The following CFAP299 variants were observed in gnomAD, a reference collection of about 807,000 sequenced individuals.
The protein encoded by CFAP299 is cilia- and flagella-associated protein 299.
CFAP299 carries 21 observed loss-of-function variants against 27.0 expected under a neutral mutation model. The observed-to-expected ratio is 0.78, with a 90% confidence interval of 0.55 to 1.12. The LOEUF (loss-of-function observed/expected upper bound fraction) is 1.12, where lower values mean the gene tolerates loss of function less well. CFAP299 is among the 50% of genes most tolerant of loss of function. The pLI is 0.00. For missense variants in CFAP299, 310 were observed against 276.6 expected (o/e 1.12, Z -0.86); for synonymous variants, 104 against 98.1 (o/e 1.06, Z -0.36).
chr4:80,468,348 C>T (rs1365345332), intron 2 of CFAP299, among the ~76,000 whole-genome samples: 2 of 151,638 alleles, frequency 1.3e-5, no homozygotes, highest in Admixed American at 6.6e-5. Context: ...CTCAGCCTCC[C>T]GAGTAGCTGG....
intron 3 of CFAP299, among the ~76,000 whole-genome samples, chr4:80,781,312 A>G (rs1726863822): frequency 6.6e-6 from 1 of 152,080 alleles, no homozygotes; most frequent in South Asian, 2.1e-4. Flanking sequence ...AATCAGTCAC[A>G]ATTTTAAAGT....
At chr4:80,534,060 C>G (rs1733605770) in intron 2 of CFAP299, among the ~76,000 whole-genome samples, 1 of 151,960 alleles carries the variant, frequency 6.6e-6, no homozygotes, top group African/African-American at 2.4e-5. Flanking sequence ...TGATATCTAC[C>G]TCTGTAAAGT....
intron 2 of CFAP299, among the ~76,000 whole-genome samples, chr4:80,552,471 C>T (rs1734570834): frequency 6.6e-6 from 1 of 152,030 alleles, no homozygotes; most frequent in Non-Finnish European, 1.5e-5. Context: ...ATTGCATGTG[C>T]CATCATGCTT....
chr4:80,364,224 T>C (rs1157907567), intron 2 of CFAP299, among the ~76,000 whole-genome samples: 5 of 151,780 alleles, frequency 3.3e-5, no homozygotes, highest in Non-Finnish European at 5.9e-5. Flanking sequence ...ATTCTTGTCT[T>C]GAGGTTCTGA....
intron 3 of CFAP299, among the ~76,000 whole-genome samples, chr4:80,641,256 G>GT (rs1271524048): frequency 5.9e-5 from 9 of 152,082 alleles, no homozygotes; most frequent in African/African-American, 2.2e-4. Context: ...CCAAGCTGGA[G>GT]TACAGTGGCA....
chr4:80,686,674 A>T (rs1216867505), intron 3 of CFAP299, among the ~76,000 whole-genome samples: 2 of 152,196 alleles, frequency 1.3e-5, no homozygotes, highest in Non-Finnish European at 2.9e-5. Flanking sequence ...GTAGAAGATA[A>T]TTATTAATCT....
At chr4:80,719,944 A>G (rs1190482060) in intron 3 of CFAP299, among the ~76,000 whole-genome samples, 1 of 152,222 alleles carries the variant, frequency 6.6e-6, no homozygotes, top group Non-Finnish European at 1.5e-5. Context: ...TCAGTGTCAG[A>G]AAACAAAGGA....
At chr4:80,927,177 G>T (rs1251297591) in intron 4 of CFAP299, among the ~76,000 whole-genome samples, 1 of 152,008 alleles carries the variant, frequency 6.6e-6, no homozygotes, top group Non-Finnish European at 1.5e-5. Flanking sequence ...TTTCTATGTG[G>T]ATTCAACACT....
At position 80,944,777 on chromosome 4, in the gene CFAP299, A is replaced by G. The variant is rs767123092; in HGVS notation, c.477-33A>G. 9 of 1,506,026 alleles carry G rather than the reference A, an allele frequency of 6.0e-6. No homozygotes were observed. The African/African-American group carries it at 9.9e-5, about 17-fold the overall frequency. The allele number at this position is 1,506,026 out of a possible 1,614,324, so 93.3% of individuals were successfully genotyped here. A position where few individuals can be genotyped will look rare whatever the true frequency, so the allele number is the denominator to read the frequency against. On this transcript the variant is annotated intron_variant, in intron 4 of 5. Coordinates refer to ENST00000358105, the MANE Select transcript of CFAP299 (RefSeq NM_152770.3). ...TATTTGTCAATTTAATGCATTATAC[A>G]TCTTAATTCCTAATAAATGTTTATT... is the stretch of plus-strand genomic sequence containing the variant.
At chr4:80,707,633 G>C (rs1191567719) in intron 3 of CFAP299, among the ~76,000 whole-genome samples, 1 of 151,996 alleles carries the variant, frequency 6.6e-6, no homozygotes, top group East Asian at 1.9e-4. Flanking sequence ...TTTAGGAAAT[G>C]CACAAACTCT....
intron 2 of CFAP299, among the ~76,000 whole-genome samples, chr4:80,534,505 CTT>C (rs1043377237): frequency 2.0e-4 from 31 of 152,032 alleles, no homozygotes; most frequent in South Asian, 2.1e-4. Flanking sequence ...AAAATTCCCT[CTT>C]AACATTTTGA....
intron 3 of CFAP299, among the ~76,000 whole-genome samples, chr4:80,678,815 A>T (rs1719641664): frequency 6.6e-6 from 1 of 152,188 alleles, no homozygotes; most frequent in Non-Finnish European, 1.5e-5. Flanking sequence ...AGTCCTATGT[A>T]CCTTTCACCC....
rs543492927 is a variant in CFAP299 at position 80,802,849 on chromosome 4, C to T, written c.334-67144C>T. ...CATATTGTGACACTTGCATTACTAA[C>T]TTGTATAAATTTTAGTAACTCCTTT... On this transcript the variant is annotated intron_variant, in intron 3 of 5. Transcript: ENST00000358105. Among the ~76,000 whole-genome samples, 20 of 152,048 alleles carry T rather than the reference C, an allele frequency of 1.3e-4. No homozygotes were observed. In the South Asian group the frequency reaches 4.1e-3, roughly 32 times the overall value.
intron 2 of CFAP299, chr4:80,386,306 T>A: frequency 7.7e-7 from 1 of 1,292,526 alleles, no homozygotes; most frequent in Non-Finnish European, 1.1e-6. Context: ...CCAGCTCAGA[T>A]TCTGTGCCCA....
intron 4 of CFAP299, among the ~76,000 whole-genome samples, chr4:80,886,736 A>T (rs1733991590): frequency 6.6e-6 from 1 of 152,194 alleles, no homozygotes; most frequent in Non-Finnish European, 1.5e-5. Context: ...TAAATAAGGC[A>T]TCAGGGACCA....
At chr4:80,575,330 A>ATTTTT (rs1198785280) in intron 2 of CFAP299, among the ~76,000 whole-genome samples, 1 of 145,876 alleles carries the variant, frequency 6.9e-6, no homozygotes, top group Non-Finnish European at 1.5e-5. Context: ...CTTTCATTAA[A>ATTTTT]TTTTTTTTTT....
intron 3 of CFAP299, among the ~76,000 whole-genome samples, chr4:80,583,448 A>G (rs73832425): frequency 0.046 from 6,930 of 151,978 alleles, 550 homozygotes; most frequent in African/African-American, 0.16. Flanking sequence ...ATGGTTCTTT[A>G]ACCTGGGTAA....
intron 2 of CFAP299, among the ~76,000 whole-genome samples, chr4:80,501,805 A>G (rs1731761372): frequency 6.6e-6 from 1 of 151,648 alleles, no homozygotes. Flanking sequence ...AACAAAGCAT[A>G]CAAAGTATAG....
chr4:80,657,869 C>A (rs187886401), intron 3 of CFAP299, among the ~76,000 whole-genome samples: 4 of 152,096 alleles, frequency 2.6e-5, no homozygotes, highest in South Asian at 4.1e-4. Flanking sequence ...GAGCATAGAA[C>A]GTTTTCCATT....
Sources: allele counts gnomAD v4.1 joint callset (sites outside exome capture counted in the v4.1 genomes callset), GRCh38; gene constraint gnomAD v4.1.1; transcripts MANE v1.5; gene names NCBI Gene and HGNC (gene_info 2026-07-23, HGNC 2026-07-21).